Variants in RFTN1 observed in about 807,000 individuals in gnomAD.
RFTN1 encodes the protein raftlin, lipid raft linker 1.
In RFTN1, 26 loss-of-function variants were observed where a neutral mutation model predicts 46.5. That is an observed-to-expected ratio of 0.56 (90% CI 0.41 to 0.78). The LOEUF (loss-of-function observed/expected upper bound fraction) is 0.78. Among genes scored for constraint, RFTN1 ranks in the 30% least tolerant of loss-of-function variants. The pLI is 0.00. For missense variants in RFTN1, 693 were observed against 718.7 expected, an observed-to-expected ratio of 0.96 and a Z score of 0.41; for synonymous variants, 261 against 284.2, an observed-to-expected ratio of 0.92 and a Z score of 0.82.
At chr3:16,503,176 C>T (rs2076742064) in intron 1 of RFTN1, among the ~76,000 whole-genome samples, 1 of 152,158 alleles carries the variant, frequency 6.6e-6, no homozygotes, top group Admixed American at 6.5e-5. Flanking sequence ...TGCTGCTCTC[C>T]AGCCACCCTT....
At chr3:16,388,979 A>C (rs2074281027) in intron 4 of RFTN1, among the ~76,000 whole-genome samples, 1 of 152,234 alleles carries the variant, frequency 6.6e-6, no homozygotes, top group African/African-American at 2.4e-5. Context: ...ATTGAACTCA[A>C]ATCTCAGCAC....
At chr3:16,469,511 A>G (rs186642139) in intron 2 of RFTN1, among the ~76,000 whole-genome samples, 300 of 152,356 alleles carry the variant, frequency 2.0e-3, no homozygotes, top group African/African-American at 7.0e-3. Flanking sequence ...AGACAGTGCA[A>G]AGGCAGGTGC....
intron 2 of RFTN1, among the ~76,000 whole-genome samples, chr3:16,435,720 A>G (rs147365156): frequency 3.3e-5 from 5 of 152,264 alleles, no homozygotes; most frequent in African/African-American, 1.2e-4. Flanking sequence ...GTAATCTTTT[A>G]GTGAAAAATC....
At chr3:16,390,202 T>C (rs892100721) in intron 4 of RFTN1, among the ~76,000 whole-genome samples, 7 of 152,204 alleles carry the variant, frequency 4.6e-5, no homozygotes, top group Non-Finnish European at 1.0e-4. Context: ...TACACAGCAA[T>C]AGACATCTTT....
At chr3:16,414,417 G>A (rs1010017555) in intron 3 of RFTN1, among the ~76,000 whole-genome samples, 2 of 151,956 alleles carry the variant, frequency 1.3e-5, no homozygotes, top group African/African-American at 4.8e-5. Flanking sequence ...GACCAGCCTG[G>A]CCAACATGGC....
Position 16,448,143 on chromosome 3 carries a change from A to T in RFTN1, c.146-14106T>A, listed in dbSNP as rs1193838042. Among the ~76,000 whole-genome samples the T allele has an allele frequency of 6.6e-6, 1 of 152,110 alleles. No individual in the cohort carries two copies. The highest frequency in any genetic ancestry group is 1.5e-5 in the Non-Finnish European group (1 of 68,014). ...TTGGTAAAAAAAAAAAAAGTCTCCC[A>T]ATAATAATTTTTTATTGATTCCATA... On this transcript the variant is annotated intron_variant, in intron 2 of 9. Transcript: ENST00000334133. This position sits in a 1 kb window ranked among gnomAD's most constrained non-coding sequence, Gnocchi z 4.1.
chr3:16,466,121 A>G lies in RFTN1; in HGVS notation c.145+27604T>C, dbSNP rs1329226952. ...TCAATTTTGGGGTCCAAGCGCTTGAATGCAGGATACACCATGCACCACAAT... is the reference window on the plus strand; with the variant it reads ...TCAATTTTGGGGTCCAAGCGCTTGAGTGCAGGATACACCATGCACCACAAT... On this transcript the variant is annotated intron_variant, in intron 2 of 9. Transcript: ENST00000334133. This position sits in a 1 kb window ranked among gnomAD's most constrained non-coding sequence, Gnocchi z 5.6. Among the ~76,000 whole-genome samples the G allele has an allele frequency of 6.6e-6, 1 of 152,202 alleles. No individual in the cohort carries two copies. Among genetic ancestry groups the G allele is most frequent in the African/African-American group, 2.4e-5 (1 of 41,450 alleles).
chr3:16,463,182 G>T (rs1006035908), intron 2 of RFTN1, among the ~76,000 whole-genome samples: 14 of 152,124 alleles, frequency 9.2e-5, no homozygotes, highest in African/African-American at 3.1e-4. Context: ...GAATCTATGG[G>T]TTGATCTCTC....
rs2075340527 is a variant in RFTN1 at position 16,429,215 on chromosome 3, AT to A, written c.332+4635del. Among the ~76,000 whole-genome samples, 1 of 152,192 alleles carries A rather than the reference AT, an allele frequency of 6.6e-6. No individual in the cohort carries two copies. Among genetic ancestry groups the A allele is most frequent in the Non-Finnish European group, 1.5e-5 (1 of 68,024 alleles). The stretch of plus-strand genomic sequence containing the variant: ...AATTTTCAGAAGAAAAGATCAGGTA[AT>A]TTTTCAGGGATGTAAGTGAAATCTG... On this transcript the variant is annotated intron_variant, in intron 3 of 9. Coordinates refer to ENST00000334133, the MANE Select transcript of RFTN1 (RefSeq NM_015150.2). The surrounding 1 kb of genome is among the most constrained non-coding windows in gnomAD (Gnocchi z 6.4).
At chr3:16,328,995 A>C (rs1340361940) in intron 7 of RFTN1, among the ~76,000 whole-genome samples, 1 of 152,256 alleles carries the variant, frequency 6.6e-6, no homozygotes, top group Non-Finnish European at 1.5e-5. Context: ...TGTATCCCCC[A>C]AAAAGTTTCC....
At chr3:16,493,948 A>C (rs1164483004) in intron 1 of RFTN1, 71 bp from the exon 2 acceptor site, 4 of 1,548,928 alleles carry the variant, frequency 2.6e-6, no homozygotes, top group Non-Finnish European at 3.5e-6. Context: ...CCCTAGTATA[A>C]AAGATGCCGT....
chr3:16,494,541 C>T (rs1345021472), intron 1 of RFTN1, among the ~76,000 whole-genome samples: 2 of 152,128 alleles, frequency 1.3e-5, no homozygotes, highest in African/African-American at 4.8e-5. Context: ...TGACTGAACA[C>T]TAATAGCAGG....
rs1462026950 is a variant in RFTN1 at position 16,429,015 on chromosome 3, ACT to A, written c.332+4834_332+4835del. Among the ~76,000 whole-genome samples the A allele has an allele frequency of 3.9e-5, 6 of 151,994 alleles. No individual in the cohort carries two copies. The highest frequency in any genetic ancestry group is 1.5e-4 in the African/African-American group (6 of 41,372). ...AAAGAGTTGAGAAAATGAAGTACAAACTCTCTTTCTACTTATTCACTAAGTAT... is the reference window on the plus strand; with the variant it reads ...AAAGAGTTGAGAAAATGAAGTACAAACTCTTTCTACTTATTCACTAAGTAT... On this transcript the variant is annotated intron_variant, in intron 3 of 9. Transcript: ENST00000334133. The surrounding 1 kb of genome is among the most constrained non-coding windows in gnomAD (Gnocchi z 6.4).
rs13093266 is a variant in RFTN1 at position 16,402,852 on chromosome 3, A to C, written c.441+6523T>G. ...GACCAGCCGCCCCTCAACGGTCTTC[A>C]TTGCAAAGGCTCAGTGGGCCAGTGC... On this transcript the variant is annotated intron_variant, in intron 4 of 9. Transcript: ENST00000334133. The surrounding 1 kb of genome is among the most constrained non-coding windows in gnomAD (Gnocchi z 4.5). Among the ~76,000 whole-genome samples the C allele has an allele frequency of 0.17, 26,513 of 152,122 alleles. 2,773 individuals carry two copies. The highest frequency in any genetic ancestry group is 0.26 in the East Asian group (1,323 of 5,168).
At position 16,409,262 on chromosome 3, in the gene RFTN1, GC is replaced by G. The variant is rs1250519505; in HGVS notation, c.441+112del. On this transcript the variant is annotated intron_variant, in intron 4 of 9. Transcript: ENST00000334133. ...GGGGCTGCCAAAGGTTTAGGTCACA[GC>G]TCTTGCATGGCCTCTTGAGTGTGGC... 1.1e-5 allele frequency: 8 copies of G among 699,324 alleles called. No individual in the cohort carries two copies. In the East Asian group the frequency reaches 2.3e-4, roughly 20 times the overall value. 43.3% of individuals were successfully genotyped at this position (699,324 alleles called of 1,614,324 possible). A position where few individuals can be genotyped will look rare whatever the true frequency, so the allele number is the denominator to read the frequency against.
In RFTN1 at chr3:16,458,488, A is replaced by G. The variant is rs1477388735; in HGVS notation, c.146-24451T>C. 6.6e-6 allele frequency among the ~76,000 whole-genome samples: 1 copy of G among 152,226 alleles called. No individual in the cohort carries two copies. The highest frequency in any genetic ancestry group is 1.5e-5 in the Non-Finnish European group (1 of 68,036). On this transcript the variant is annotated intron_variant, in intron 2 of 9. Coordinates refer to ENST00000334133, the MANE Select transcript of RFTN1 (RefSeq NM_015150.2). The surrounding 1 kb of genome is among the most constrained non-coding windows in gnomAD (Gnocchi z 5.1). ...CTTTCACTTGTCATTAATTCTGTTC[A>G]TCTGCAAGAAGCCCATCTATCTATA... is the stretch of plus-strand genomic sequence containing the variant.
At chr3:16,502,533 A>T (rs1038182723) in intron 1 of RFTN1, among the ~76,000 whole-genome samples, 1 of 152,214 alleles carries the variant, frequency 6.6e-6, no homozygotes, top group African/African-American at 2.4e-5. Flanking sequence ...GTGTAACCAG[A>T]AGGATATGGT....
chr3:16,403,376 G>A (rs2074654058), intron 4 of RFTN1, among the ~76,000 whole-genome samples: 1 of 151,274 alleles, frequency 6.6e-6, no homozygotes, highest in Admixed American at 6.7e-5. Context: ...TCTGTCAAAT[G>A]AGGATAAGTC....
intron 8 of RFTN1, among the ~76,000 whole-genome samples, chr3:16,325,049 T>C (rs1363880688): frequency 3.3e-5 from 5 of 152,210 alleles, no homozygotes; most frequent in African/African-American, 1.2e-4. Context: ...ATTTCTTAAA[T>C]CTGTTTTGTA....
Sources: allele counts gnomAD v4.1 joint callset (sites outside exome capture counted in the v4.1 genomes callset), GRCh38; gene constraint gnomAD v4.1.1; non-coding constraint Gnocchi (gnomAD v3.1); transcripts MANE v1.5; gene names NCBI Gene and HGNC (gene_info 2026-07-23, HGNC 2026-07-21).